Variants in CDH12 observed in about 807,000 individuals in gnomAD.
CDH12 encodes the protein cadherin 12.
In CDH12, 41 loss-of-function variants were observed where a neutral mutation model predicts 74.1. The observed-to-expected ratio is 0.55, with a 90% confidence interval of 0.43 to 0.72. CDH12 has a LOEUF of 0.72. Ranked by LOEUF, CDH12 falls within the 30% of genes least tolerant of loss-of-function variation. The probability of loss-of-function intolerance (pLI) is 0.00; values close to 1 mark genes in which losing one functional copy is unlikely to be tolerated. For missense variants in CDH12, 945 were observed against 977.2 expected (o/e 0.97, Z 0.44); for synonymous variants, 399 against 355.0 (o/e 1.12, Z -1.39).
At chr5:22,778,529 G>T (rs1032019824) in intron 1 of CDH12, among the ~76,000 whole-genome samples, 3 of 151,976 alleles carry the variant, frequency 2.0e-5, no homozygotes, top group African/African-American at 7.3e-5. Context: ...CAAACTATGA[G>T]AACTAATAAA....
chr5:22,476,877 A>C (rs1746191052), intron 2 of CDH12, among the ~76,000 whole-genome samples: 3 of 152,164 alleles, frequency 2.0e-5, no homozygotes, highest in African/African-American at 2.4e-5. Context: ...AGTCCCAATC[A>C]CACATCTTTT....
chr5:22,359,488 T>G (rs968077031), intron 3 of CDH12, among the ~76,000 whole-genome samples: 1 of 152,058 alleles, frequency 6.6e-6, no homozygotes, highest in Non-Finnish European at 1.5e-5. Context: ...ATGGGAGACT[T>G]CAACACCCCA....
At chr5:22,567,404 G>A (rs976561905) in intron 1 of CDH12, among the ~76,000 whole-genome samples, 4 of 152,174 alleles carry the variant, frequency 2.6e-5, no homozygotes, top group Non-Finnish European at 5.9e-5. Flanking sequence ...GGGCATGGCC[G>A]TCTCTCCCTC....
At chr5:22,445,455 C>A (rs1744782177) in intron 2 of CDH12, among the ~76,000 whole-genome samples, 1 of 152,068 alleles carries the variant, frequency 6.6e-6, no homozygotes, top group Admixed American at 6.6e-5. Flanking sequence ...TGGATAAAAT[C>A]AATGGCATGT....
At chr5:22,591,901 A>G (rs1302282170) in intron 1 of CDH12, among the ~76,000 whole-genome samples, 10 of 152,154 alleles carry the variant, frequency 6.6e-5, no homozygotes, top group African/African-American at 2.4e-4. Flanking sequence ...TTGATGAACT[A>G]TTCTCCCAGG....
At chr5:22,474,390 A>G (rs1462371329) in intron 2 of CDH12, among the ~76,000 whole-genome samples, 1 of 152,186 alleles carries the variant, frequency 6.6e-6, no homozygotes, top group Admixed American at 6.5e-5. Flanking sequence ...ACCACAGTGA[A>G]TGATTCTCAT....
At chr5:22,165,513 T>C (rs111961244) in intron 4 of CDH12, among the ~76,000 whole-genome samples, 35 of 53,844 alleles carry the variant, frequency 6.5e-4, no homozygotes, top group Non-Finnish European at 1.1e-3. Flanking sequence ...CACACACACA[T>C]ACACACACAC....
intron 3 of CDH12, among the ~76,000 whole-genome samples, chr5:22,305,816 T>A (rs1345871031): frequency 1.3e-5 from 2 of 152,174 alleles, no homozygotes; most frequent in Non-Finnish European, 2.9e-5. Context: ...TTTCTATCTG[T>A]TACTTCCCTT....
intron 1 of CDH12, among the ~76,000 whole-genome samples, chr5:22,668,194 T>C (rs1740717309): frequency 6.6e-6 from 1 of 152,286 alleles, no homozygotes; most frequent in African/African-American, 2.4e-5. Flanking sequence ...TCTTCTAATC[T>C]TTCTAACTCT....
At chr5:22,817,142 C>T (rs1749433240) in intron 1 of CDH12, among the ~76,000 whole-genome samples, 1 of 152,012 alleles carries the variant, frequency 6.6e-6, no homozygotes, top group African/African-American at 2.4e-5. Flanking sequence ...GTATTTTATT[C>T]ATATTAGAAA....
intron 1 of CDH12, among the ~76,000 whole-genome samples, chr5:22,561,322 G>A (rs1380957406): frequency 6.6e-6 from 1 of 152,008 alleles, no homozygotes; most frequent in Non-Finnish European, 1.5e-5. Flanking sequence ...CCATATATAG[G>A]CACAATCCTT....
At chr5:22,153,433 T>C (rs1445152439) in intron 4 of CDH12, among the ~76,000 whole-genome samples, 3 of 151,824 alleles carry the variant, frequency 2.0e-5, no homozygotes, top group Admixed American at 1.3e-4. Context: ...TGTTTTTCTA[T>C]TAGAGTTTGG....
At chr5:21,908,809 T>G (rs1204578314) in intron 6 of CDH12, among the ~76,000 whole-genome samples, 1 of 152,182 alleles carries the variant, frequency 6.6e-6, no homozygotes, top group Non-Finnish European at 1.5e-5. Flanking sequence ...CAATTATTGT[T>G]CTTCAGACTT....
intron 4 of CDH12, among the ~76,000 whole-genome samples, chr5:22,175,059 A>C (rs1191583425): frequency 6.6e-6 from 1 of 152,044 alleles, no homozygotes; most frequent in Non-Finnish European, 1.5e-5. Flanking sequence ...GAATTAAACT[A>C]TGTATTAAAT....
chr5:22,683,546 C>T (rs1029955426), intron 1 of CDH12, among the ~76,000 whole-genome samples: 11 of 152,162 alleles, frequency 7.2e-5, no homozygotes, highest in African/African-American at 2.7e-4. Flanking sequence ...GCAGTGTCAT[C>T]AAACCCATGG....
intron 1 of CDH12, among the ~76,000 whole-genome samples, chr5:22,793,046 G>A (rs1030788210): frequency 6.6e-6 from 1 of 152,138 alleles, no homozygotes; most frequent in African/African-American, 2.4e-5. Flanking sequence ...AGACACTTAG[G>A]TGCCTGGCAA....
intron 5 of CDH12, among the ~76,000 whole-genome samples, chr5:22,028,589 C>T (rs1032885610): frequency 3.9e-5 from 6 of 152,076 alleles, no homozygotes; most frequent in Non-Finnish European, 7.3e-5. Context: ...GAACTACAAA[C>T]CACTGCTCAA....
intron 5 of CDH12, among the ~76,000 whole-genome samples, chr5:22,075,670 G>A (rs1253913960): frequency 2.6e-5 from 4 of 151,956 alleles, no homozygotes; most frequent in Non-Finnish European, 5.9e-5. Context: ...TAGGCTATCA[G>A]TAAAGCTTTG....
Position 21,751,838 on chromosome 5 carries a change from C to T in CDH12, c.2284G>A (p.Asp762Asn), listed in dbSNP as rs1291430724. Residue 762 changes from aspartate to asparagine, a missense_variant, in exon 15 of 15, where the codon GAC becomes AAC. Physicochemically the swap from Asp to Asn is conservative, Grantham distance 23. Coordinates refer to ENST00000382254, the MANE Select transcript of CDH12 (RefSeq NM_004061.5). ...SSIDSLTTEA[D>N]QDYDYLTDWG... The stretch of plus-strand genomic sequence containing the variant: ...TCTGTCAGATAGTCATAGTCCTGGT[C>T]GGCTTCTGTGGTGAGAGAGTCTATA... 3 of 1,614,018 alleles carry T rather than the reference C, an allele frequency of 1.9e-6. No individual in the cohort carries two copies. The highest frequency in any genetic ancestry group is 1.7e-6 in the Non-Finnish European group (2 of 1,180,006).
Sources: gnomAD v4.1 joint callset for allele counts (sites outside exome capture counted in the v4.1 genomes callset) on GRCh38, gnomAD v4.1.1 for gene constraint, MANE v1.5 for transcripts, NCBI Gene and HGNC (gene_info 2026-07-23, HGNC 2026-07-21) for gene names.